Variants in RIMBP2 observed in about 807,000 individuals in gnomAD.
The protein encoded by RIMBP2 is RIMS-binding protein 2.
Under a neutral mutation model 118.6 loss-of-function variants are expected in RIMBP2, and 48 were observed. The ratio of observed to expected loss-of-function variants is 0.40; its 90% CI spans 0.32 to 0.51. RIMBP2 has a LOEUF of 0.51. RIMBP2 is among the 20% of genes least tolerant of loss of function. RIMBP2 has a pLI of 0.41. For missense variants in RIMBP2, 1,551 were observed against 1,768.3 expected, an observed-to-expected ratio of 0.88 and a Z score of 2.20; for synonymous variants, 762 against 742.9, an observed-to-expected ratio of 1.03 and a Z score of -0.42.
rs138750776 is a variant in RIMBP2 at position 130,493,178 on chromosome 12, G to T, written c.-4+13470C>A. On this transcript the variant is annotated intron_variant, in intron 4 of 22. Coordinates refer to ENST00000690449, the MANE Select transcript of RIMBP2 (RefSeq NM_001393629.1). ...CAAAAAAACAAAGTGACCTGCACAG[G>T]AATTAAGTTTCATGTAAATATCACT... 7.5e-4 allele frequency among the ~76,000 whole-genome samples: 114 copies of T among 152,132 alleles called. 1 individual carries two copies. Among genetic ancestry groups the T allele is most frequent in the African/African-American group, 2.6e-3 (110 of 41,510 alleles).
intron 5 of RIMBP2, chr12:130,472,026 G>A (rs371121966): frequency 6.6e-6 from 1 of 152,502 alleles, no homozygotes; most frequent in African/African-American, 2.4e-5. Context: ...TTTGCCACCA[G>A]GAGGGTCAGG....
chr12:130,486,119 C>T (rs1372380131), intron 4 of RIMBP2, among the ~76,000 whole-genome samples: 1 of 152,132 alleles, frequency 6.6e-6, no homozygotes, highest in African/African-American at 2.4e-5. Flanking sequence ...CACGCTCTTC[C>T]AGCCCTTCCA....
intron 3 of RIMBP2, among the ~76,000 whole-genome samples, chr12:130,510,981 C>T (rs1299374853): frequency 6.6e-6 from 1 of 152,120 alleles, no homozygotes; most frequent in Non-Finnish European, 1.5e-5. Context: ...TGAATAACGG[C>T]CCCACACAAA....
chr12:130,593,941 T>C (rs749501105), intron 2 of RIMBP2, among the ~76,000 whole-genome samples: 2 of 152,228 alleles, frequency 1.3e-5, no homozygotes, highest in Non-Finnish European at 2.9e-5. Context: ...TCTGGTGGTT[T>C]GCGTTACAAT....
At chr12:130,580,198 A>T (rs1480903558) in intron 2 of RIMBP2, among the ~76,000 whole-genome samples, 2 of 10,178 alleles carry the variant, frequency 2.0e-4, no homozygotes, top group Non-Finnish European at 5.0e-4. Flanking sequence ...ACTCCATTTA[A>T]AAAAAAAAAA....
Position 130,434,870 on chromosome 12 carries a change from C to T in RIMBP2, c.2117G>A (p.Arg706Lys). 1 of 1,605,814 alleles carries T rather than the reference C, an allele frequency of 6.2e-7. No homozygotes were observed. Among genetic ancestry groups the T allele is most frequent in the Non-Finnish European group, 8.5e-7 (1 of 1,176,100 alleles). The change falls in exon 14 of 23, where the codon AGG (arginine) becomes AAG (lysine). Residue 706 changes from arginine (R) to lysine (K), a missense_variant. Transcript: ENST00000690449. The surrounding 1 kb of genome is among the most constrained non-coding windows in gnomAD (Gnocchi z 5.7). ...GCTGCTTCTCTCTAGGAAGACGCTC[C>T]TTTTCTCTAACTTGGAAAGAAAAAG... The part of the protein sequence containing the change: ...RVAESSRLEK[R>K]SVFLERSSAG...
chr12:130,610,492 T>C (rs1054099739), intron 2 of RIMBP2, among the ~76,000 whole-genome samples: 6 of 150,494 alleles, frequency 4.0e-5, no homozygotes, highest in Admixed American at 1.3e-4. Context: ...AAGTAATGTG[T>C]CCTAGCAATG....
chr12:130,557,864 G>T (rs80350127), intron 2 of RIMBP2, among the ~76,000 whole-genome samples: 2 of 152,054 alleles, frequency 1.3e-5, no homozygotes, highest in South Asian at 2.1e-4. Flanking sequence ...GGGTCAAAGC[G>T]CCTTGCTCCA....
chr12:130,698,818 T>C (rs537890118), intron 1 of RIMBP2, among the ~76,000 whole-genome samples: 1 of 152,250 alleles, frequency 6.6e-6, no homozygotes, highest in East Asian at 1.9e-4. Flanking sequence ...AGAAAATTTT[T>C]GCAACCTACT....
chr12:130,642,345 C>T (rs1008147747), intron 1 of RIMBP2, among the ~76,000 whole-genome samples: 2 of 152,090 alleles, frequency 1.3e-5, no homozygotes, highest in Non-Finnish European at 2.9e-5. Flanking sequence ...AGTGCAATGG[C>T]GCGATCTCAG....
At chr12:130,625,840 G>A (rs1385766410) in intron 2 of RIMBP2, among the ~76,000 whole-genome samples, 2 of 152,152 alleles carry the variant, frequency 1.3e-5, no homozygotes, top group African/African-American at 4.8e-5. Context: ...TCCCTAGGAG[G>A]ACTGATTGGC....
In RIMBP2 at chr12:130,421,687, TTA is replaced by T. The variant is rs1056916688; in HGVS notation, c.3238+764_3238+765del. Among the ~76,000 whole-genome samples the T allele has an allele frequency of 5.8e-4, 65 of 112,268 alleles. No individual in the cohort carries two copies. In the South Asian group the frequency reaches 9.8e-3, roughly 17 times the overall value. 73.7% of individuals were successfully genotyped at this position (112,268 alleles called of 152,430 possible). A position where few individuals can be genotyped will look rare whatever the true frequency, so the allele number is the denominator to read the frequency against. ...GCTGTATCAAGAGTTCTCCCTGCAT[TTA>T]TATGTGTGTGTGTGTGTGTGTGTGT... On this transcript the variant is annotated intron_variant, in intron 17 of 22. Coordinates refer to ENST00000690449, the MANE Select transcript of RIMBP2 (RefSeq NM_001393629.1).
rs138253444 is a variant in RIMBP2 at position 130,421,920 on chromosome 12, G to A, written c.3238+533C>T. Among the ~76,000 whole-genome samples, 1,003 of 152,324 alleles carry A rather than the reference G, an allele frequency of 6.6e-3. 7 individuals carry two copies. The highest frequency in any genetic ancestry group is 0.023 in the African/African-American group (953 of 41,566). On this transcript the variant is annotated intron_variant, in intron 17 of 22. Coordinates refer to ENST00000690449, the MANE Select transcript of RIMBP2 (RefSeq NM_001393629.1). Reference sequence around the variant, plus strand: ...AAAAAGTCAGGAAGAGAATGGAAACGGAATGCCAGATGACGACTCATGAGC... The same window carrying A: ...AAAAAGTCAGGAAGAGAATGGAAACAGAATGCCAGATGACGACTCATGAGC...
In RIMBP2 at chr12:130,447,860, G is replaced by A. The variant is rs543473010; in HGVS notation, c.581+2340C>T. ...CCTGCATGGAGGGCGGGGAGAGGCCGCTCGGCACCCAGAGTGAGCGCCCAG... is the reference window on the plus strand; with the variant it reads ...CCTGCATGGAGGGCGGGGAGAGGCCACTCGGCACCCAGAGTGAGCGCCCAG... On this transcript the variant is annotated intron_variant, in intron 9 of 22. Coordinates refer to ENST00000690449, the MANE Select transcript of RIMBP2 (RefSeq NM_001393629.1). This position sits in a 1 kb window ranked among gnomAD's most constrained non-coding sequence, Gnocchi z 4.4. Among the ~76,000 whole-genome samples, 4 of 152,314 alleles carry A rather than the reference G, an allele frequency of 2.6e-5. No individual in the cohort carries two copies. Among genetic ancestry groups the A allele is most frequent in the South Asian group, 2.1e-4 (1 of 4,828 alleles).
intron 1 of RIMBP2, among the ~76,000 whole-genome samples, chr12:130,678,392 G>A (rs1297078003): frequency 2.6e-5 from 4 of 152,328 alleles, no homozygotes; most frequent in Admixed American, 6.5e-5. Context: ...GTGCTGCTGC[G>A]CCACGGAATA....
chr12:130,532,155 G>A (rs1364524624), intron 2 of RIMBP2, among the ~76,000 whole-genome samples: 1 of 150,086 alleles, frequency 6.7e-6, no homozygotes, highest in African/African-American at 2.4e-5. Flanking sequence ...CTAATGAGAT[G>A]CGTGTGTTTA....
Position 130,532,724 on chromosome 12 carries a change from T to TGC in RIMBP2, c.-216-14808_-216-14807insGC, listed in dbSNP as rs1491391176. 4.1e-4 allele frequency among the ~76,000 whole-genome samples: 51 copies of TGC among 125,584 alleles called. 1 individual carries two copies. Among genetic ancestry groups the TGC allele is most frequent in the East Asian group, 1.1e-3 (3 of 2,788 alleles). 82.4% of individuals were successfully genotyped at this position (125,584 alleles called of 152,430 possible). Reference sequence around the variant, plus strand: ...CCTCTAGGAGTTACGTCTAATGAGATGTGTGTGTTCAGCCTCTAGGAGTTA... The same window carrying TGC: ...CCTCTAGGAGTTACGTCTAATGAGATGCGTGTGTGTTCAGCCTCTAGGAGTTA... On this transcript the variant is annotated intron_variant, in intron 2 of 22. Coordinates refer to ENST00000690449, the MANE Select transcript of RIMBP2 (RefSeq NM_001393629.1).
rs564167602 is a variant in RIMBP2 at position 130,456,970 on chromosome 12, C to T, written c.154-270G>A. Among the ~76,000 whole-genome samples, 313 of 152,324 alleles carry T rather than the reference C, an allele frequency of 2.1e-3. 4 individuals carry two copies. The South Asian group carries it at 0.034, about 17-fold the overall frequency. On this transcript the variant is annotated intron_variant, in intron 6 of 22. Coordinates refer to ENST00000690449, the MANE Select transcript of RIMBP2 (RefSeq NM_001393629.1). ...CTGATAAACCCAGCTTCTCCTGCCA[C>T]CTGGCTACTGGCCAATGTGAGAAAC...
At chr12:130,594,569 G>A (rs971374202) in intron 2 of RIMBP2, among the ~76,000 whole-genome samples, 1 of 152,012 alleles carries the variant, frequency 6.6e-6, no homozygotes, top group Non-Finnish European at 1.5e-5. Context: ...AAAGAAAATT[G>A]CAAAAAAATC....
Sources: allele counts gnomAD v4.1 joint callset (sites outside exome capture counted in the v4.1 genomes callset), GRCh38; gene constraint gnomAD v4.1.1; non-coding constraint Gnocchi (gnomAD v3.1); transcripts MANE v1.5; gene names NCBI Gene and HGNC (gene_info 2026-07-23, HGNC 2026-07-21).